SEPTIN10: variants seen among roughly 807,000 people sequenced by gnomAD.
The protein encoded by SEPTIN10 is septin-10.
In SEPTIN10, 66 loss-of-function variants were observed where a neutral mutation model predicts 54.8. The observed-to-expected ratio is 1.21, with a 90% CI of 0.99 to 1.48. SEPTIN10 has a LOEUF of 1.48. SEPTIN10 is among the 40% of genes most tolerant of loss of function. The pLI, the probability that SEPTIN10 is intolerant of heterozygous loss-of-function variation, is 0.00. For missense variants in SEPTIN10, 620 were observed against 545.6 expected (o/e 1.14, Z -1.36); for synonymous variants, 161 against 181.0 (o/e 0.89, Z 0.89).
intron 9 of SEPTIN10, among the ~76,000 whole-genome samples, chr2:109,550,151 A>G (rs1184793668): frequency 6.6e-6 from 1 of 151,770 alleles, no homozygotes; most frequent in Non-Finnish European, 1.5e-5. Flanking sequence ...TTAGCTGGGC[A>G]TGGTGGCACA....
chr2:109,574,187 C>T (rs1689039886), intron 5 of SEPTIN10, among the ~76,000 whole-genome samples: 1 of 151,802 alleles, frequency 6.6e-6, no homozygotes, highest in Non-Finnish European at 1.5e-5. Flanking sequence ...GCCTGTAGTT[C>T]TAGCACTTCA....
intron 10 of SEPTIN10, chr2:109,545,529 G>C (rs909129768): frequency 3.9e-6 from 6 of 1,535,920 alleles, no homozygotes; most frequent in Non-Finnish European, 5.2e-6. Context: ...AGTTCGAATC[G>C]ACAGCCTGGT....
rs370265320 is a variant in SEPTIN10 at position 109,553,172 on chromosome 2, C to T, written c.1076G>A (p.Arg359His). ...TTTCATTTCTTCTTCCTTCCTCTGA[C>T]GTTCACCATGGAACTCATGTCTTTT... ...EAKRHEFHGE[R>H]QRKEEEMKQM... Residue 359 changes from arginine (R) to histidine (H), a missense_variant, in exon 9 of 11, where the codon CGT becomes CAT. By Grantham distance (29) the Arg-to-His change is conservative. Coordinates refer to ENST00000397712, the MANE Select transcript of SEPTIN10 (RefSeq NM_144710.5). The T allele has an allele frequency of 1.2e-5, 20 of 1,614,014 alleles. No homozygotes were observed. The highest frequency in any genetic ancestry group is 2.7e-5 in the African/African-American group (2 of 74,946).
chr2:109,580,618 T>C (rs566174407), intron 4 of SEPTIN10, among the ~76,000 whole-genome samples: 2 of 152,140 alleles, frequency 1.3e-5, no homozygotes, highest in African/African-American at 2.4e-5. Context: ...CAGTCCAGCA[T>C]TAACAATGAA....
At chr2:109,550,732 C>T (rs545059638) in intron 9 of SEPTIN10, among the ~76,000 whole-genome samples, 1 of 152,292 alleles carries the variant, frequency 6.6e-6, no homozygotes, top group Non-Finnish European at 1.5e-5. Context: ...GAAGTTAGAG[C>T]CCAGTCTTTG....
intron 1 of SEPTIN10, among the ~76,000 whole-genome samples, chr2:109,597,499 T>C (rs932061275): frequency 3.9e-5 from 6 of 152,212 alleles, no homozygotes; most frequent in African/African-American, 9.6e-5. Flanking sequence ...GAAACATGAA[T>C]GCACAATAGG....
chr2:109,580,810 C>G (rs1382319762), intron 4 of SEPTIN10, among the ~76,000 whole-genome samples: 1 of 152,206 alleles, frequency 6.6e-6, no homozygotes, highest in Non-Finnish European at 1.5e-5. Flanking sequence ...CTTTTATGAG[C>G]CCTACCATGT....
At chr2:109,593,428 C>T (rs189667767) in intron 1 of SEPTIN10, among the ~76,000 whole-genome samples, 1,711 of 53,346 alleles carry the variant, frequency 0.032, 20 homozygotes, top group Admixed American at 0.045. Flanking sequence ...TTTTTTGAGA[C>T]GGCATCTTGC....
chr2:109,595,313 CT>C (rs376805806), intron 1 of SEPTIN10, among the ~76,000 whole-genome samples: 6 of 152,282 alleles, frequency 3.9e-5, no homozygotes, highest in African/African-American at 1.4e-4. Flanking sequence ...TTTTTACAAT[CT>C]AAAAGGCAAA....
intron 4 of SEPTIN10, 28 bp downstream of exon 4, chr2:109,585,098 T>C (rs750173628): frequency 1.4e-6 from 2 of 1,437,714 alleles, no homozygotes; most frequent in Admixed American, 4.6e-5. Context: ...AAGAAAAACT[T>C]GTTTTATTAC....
chr2:109,559,910 C>T (rs72824788), intron 8 of SEPTIN10, among the ~76,000 whole-genome samples: 17,880 of 132,240 alleles, frequency 0.14, 1,696 homozygotes, highest in African/African-American at 0.28. Flanking sequence ...CCAACCAATG[C>T]CTTTTTTTTT....
chr2:109,578,917 G>A (rs1413220924), intron 4 of SEPTIN10, among the ~76,000 whole-genome samples: 1 of 152,060 alleles, frequency 6.6e-6, no homozygotes, highest in East Asian at 1.9e-4. Flanking sequence ...AACTCCAAAA[G>A]TACAGACGTA....
chr2:109,585,247 G>T lies in SEPTIN10; in HGVS notation c.292C>A (p.His98Asn). The T allele has an allele frequency of 6.2e-7, 1 of 1,613,278 alleles. No homozygotes were observed. Among genetic ancestry groups the T allele is most frequent in the South Asian group, 1.1e-5 (1 of 90,918 alleles). The change falls in exon 4 of 11, where the codon CAT (histidine) becomes AAT (asparagine). Residue 98 changes from histidine to asparagine, a missense_variant. Transcript: ENST00000397712. The stretch of plus-strand genomic sequence containing the variant: ...TTAAGTTTAACATTTGGGCAAAAAT[G>T]TGAGGATTCATAGTCTTCAAAATTA... ...NTNFEDYESS[H>N]FCPNVKLKAQ...
At chr2:109,564,802 A>T (rs1170372635) in intron 7 of SEPTIN10, among the ~76,000 whole-genome samples, 1 of 152,236 alleles carries the variant, frequency 6.6e-6, no homozygotes, top group African/African-American at 2.4e-5. Flanking sequence ...ACCAAAAAAG[A>T]CACAACTTAT....
chr2:109,561,948 T>C (rs956443707), intron 8 of SEPTIN10, among the ~76,000 whole-genome samples: 3 of 152,104 alleles, frequency 2.0e-5, no homozygotes, highest in African/African-American at 7.2e-5. Context: ...TTAGTAGAGA[T>C]GGGGTTTCAA....
At chr2:109,565,112 G>A (rs1287352360) in intron 7 of SEPTIN10, among the ~76,000 whole-genome samples, 1 of 151,940 alleles carries the variant, frequency 6.6e-6, no homozygotes, top group Non-Finnish European at 1.5e-5. Flanking sequence ...ATTTTATTGT[G>A]ACCAATACTC....
Position 109,585,676 on chromosome 2 carries a change from A to G in SEPTIN10, c.217+45T>C, listed in dbSNP as rs370952712. 34 of 1,274,478 alleles carry G rather than the reference A, an allele frequency of 2.7e-5. 2 individuals are homozygous for G. The highest frequency in any genetic ancestry group is 2.6e-4 in the African/African-American group (18 of 68,242). 78.9% of individuals were successfully genotyped at this position (1,274,478 alleles called of 1,614,324 possible). ...CCATGACAAGAATGAAGTGAGCACA[A>G]GGAATATGAAGGAACAACTTAGAGG... is the stretch of plus-strand genomic sequence containing the variant. On this transcript the variant is annotated intron_variant, in intron 3 of 10. Transcript: ENST00000397712.
chr2:109,604,974 G>T (rs1305372123), intron 1 of SEPTIN10: 1 of 152,174 alleles, frequency 6.6e-6, no homozygotes, highest in African/African-American at 2.4e-5. Flanking sequence ...ATCAGCACAG[G>T]TTTGATGCAA....
At chr2:109,581,288 T>G (rs868697156) in intron 4 of SEPTIN10, among the ~76,000 whole-genome samples, 140 of 152,004 alleles carry the variant, frequency 9.2e-4, no homozygotes, top group African/African-American at 3.4e-3. Flanking sequence ...TTTGCAAAAA[T>G]TAGCCGGGTG....
Sources: allele counts gnomAD v4.1 joint callset (sites outside exome capture counted in the v4.1 genomes callset), GRCh38; gene constraint gnomAD v4.1.1; transcripts MANE v1.5; gene names NCBI Gene and HGNC (gene_info 2026-07-23, HGNC 2026-07-21).